The following DOCK1 variants were observed in gnomAD, a reference collection of about 807,000 sequenced individuals.
DOCK1 encodes dedicator of cytokinesis protein 1.
In DOCK1, 138 loss-of-function variants were observed where a neutral mutation model predicts 262.7. The ratio of observed to expected loss-of-function variants is 0.53; its 90% CI spans 0.46 to 0.61. The LOEUF (loss-of-function observed/expected upper bound fraction) is 0.61, where lower values mean the gene tolerates loss of function less well. Ranked by LOEUF, DOCK1 falls within the 20% of genes least tolerant of loss-of-function variation. The pLI is 0.00. For synonymous variants in DOCK1, 866 were observed against 867.4 expected (o/e 1.00, Z 0.03); for missense variants, 1,908 against 2,370.7 (o/e 0.80, Z 4.05).
intron 27 of DOCK1, among the ~76,000 whole-genome samples, chr10:127,207,582 G>A (rs1471674193): frequency 6.6e-6 from 1 of 152,144 alleles, no homozygotes; most frequent in Admixed American, 6.5e-5. Context: ...TTTTAGGATT[G>A]TCTTAATAGG....
chr10:127,313,019 T>A (rs1357613846), intron 29 of DOCK1, among the ~76,000 whole-genome samples: 1 of 152,166 alleles, frequency 6.6e-6, no homozygotes, highest in African/African-American at 2.4e-5. Flanking sequence ...CTCCCAGTCC[T>A]GGGCTGCAAA....
At chr10:127,329,256 C>T (rs1428345471) in intron 29 of DOCK1, among the ~76,000 whole-genome samples, 2 of 152,166 alleles carry the variant, frequency 1.3e-5, no homozygotes, top group Non-Finnish European at 2.9e-5. Flanking sequence ...GCACGGTCAC[C>T]CTGACCTCCC....
At position 127,052,688 on chromosome 10, in the gene DOCK1, A is replaced by G; in HGVS notation, c.2209A>G (p.Thr737Ala). The G allele has an allele frequency of 6.2e-7, 1 of 1,614,018 alleles. No homozygotes were observed. The highest frequency in any genetic ancestry group is 1.1e-5 in the South Asian group (1 of 91,072). The change falls in exon 22 of 52, where the codon ACA becomes GCA. Residue 737 changes from threonine to alanine, a missense_variant. Coordinates refer to ENST00000623213, the MANE Select transcript of DOCK1 (RefSeq NM_001290223.2). The stretch of plus-strand genomic sequence containing the variant: ...TGTTTGCATTGTGAATAGGAAGTTG[A>G]CAAAAGTGTTGAAGAACTACGTGGA... Reference protein sequence around the residue: ...FSATLAYTKLTKVLKNYVDGA... With the variant: ...FSATLAYTKLAKVLKNYVDGA...
intron 23 of DOCK1, among the ~76,000 whole-genome samples, chr10:127,063,628 A>G (rs940322342): frequency 3.3e-5 from 5 of 152,198 alleles, no homozygotes; most frequent in African/African-American, 1.2e-4. Flanking sequence ...TGTTTGGTAC[A>G]TTTACTACTG....
intron 27 of DOCK1, among the ~76,000 whole-genome samples, chr10:127,152,340 A>G (rs1045738161): frequency 2.6e-5 from 4 of 152,202 alleles, no homozygotes; most frequent in African/African-American, 7.2e-5. Flanking sequence ...ATCTGTTGCT[A>G]TCATTGAGTT....
rs777958830 is a variant in DOCK1, at chr10:127,410,856, G to A, written c.4360G>A (p.Glu1454Lys). The change falls in exon 43 of 52, where the codon GAG becomes AAG. Residue 1454 changes from glutamate to lysine, a missense_variant. Around this residue, in one of 9 missense-constraint regions of DOCK1, gnomAD observed 267 missense variants for 366.3 expected, o/e 0.73. Transcript: ENST00000623213. The stretch of plus-strand genomic sequence containing the variant: ...TCTGTACAGTTTTTACAGGGTGAAC[G>A]AGGTCCAGCGATTTGAATATTCTCG... ...EQIVSFYRVN[E>K]VQRFEYSRPI... 3 of 1,613,718 alleles carry A rather than the reference G, an allele frequency of 1.9e-6. No homozygotes were observed. The highest frequency in any genetic ancestry group is 1.7e-5 in the Admixed American group (1 of 60,002).
Position 127,176,123 on chromosome 10 carries a change from G to A in DOCK1, c.2847+48359G>A, listed in dbSNP as rs374772780. 3.3e-5 allele frequency: 54 copies of A among 1,613,962 alleles called. No individual in the cohort carries two copies. The Admixed American group carries it at 3.5e-4, about 10-fold the overall frequency. On this transcript the variant is annotated intron_variant, in intron 27 of 51. Coordinates refer to ENST00000623213, the MANE Select transcript of DOCK1 (RefSeq NM_001290223.2). The surrounding 1 kb of genome is among the most constrained non-coding windows in gnomAD (Gnocchi z 4.4). The stretch of plus-strand genomic sequence containing the variant: ...TGACGTTGGGGATGGACCTGCGTGC[G>A]GGCACTGTCATGTATTTGCGGTAGG...
chr10:127,002,424 A>G (rs1031107313), intron 10 of DOCK1, among the ~76,000 whole-genome samples: 3 of 152,242 alleles, frequency 2.0e-5, no homozygotes, highest in Non-Finnish European at 2.9e-5. Context: ...AAAATTTGGA[A>G]TATTTTTCAG....
intron 31 of DOCK1, among the ~76,000 whole-genome samples, chr10:127,345,002 T>C (rs556793798): frequency 6.6e-6 from 1 of 152,372 alleles, no homozygotes; most frequent in Admixed American, 6.5e-5. Context: ...TTGCCTGTGG[T>C]ATTTATTGTA....
At chr10:126,919,068 GACAA>G (rs755310965) in intron 1 of DOCK1, among the ~76,000 whole-genome samples, 1 of 152,082 alleles carries the variant, frequency 6.6e-6, no homozygotes, top group Non-Finnish European at 1.5e-5. Flanking sequence ...CCTTCTGAGA[GACAA>G]ACATGAGTTT....
At chr10:127,097,700 C>A (rs1448409801) in intron 23 of DOCK1, among the ~76,000 whole-genome samples, 1 of 152,164 alleles carries the variant, frequency 6.6e-6, no homozygotes, top group East Asian at 1.9e-4. Context: ...CTTAAACTGC[C>A]ATTAAGTTAT....
chr10:127,010,647 A>G (rs1258537496), intron 11 of DOCK1, among the ~76,000 whole-genome samples: 1 of 152,190 alleles, frequency 6.6e-6, no homozygotes, highest in Non-Finnish European at 1.5e-5. Context: ...AGTCCCATCC[A>G]GTGAGGAGAG....
chr10:127,265,384 TA>T lies in DOCK1; in HGVS notation c.3044+7967del, dbSNP rs904484844. 2.6e-3 allele frequency among the ~76,000 whole-genome samples: 387 copies of T among 146,618 alleles called. 4 individuals carry two copies. Among genetic ancestry groups the T allele is most frequent in the East Asian group, 8.1e-3 (41 of 5,048 alleles). On this transcript the variant is annotated intron_variant, in intron 29 of 51. Coordinates refer to ENST00000623213, the MANE Select transcript of DOCK1 (RefSeq NM_001290223.2). ...TTTCCAGTGTCTGTGTGTTACACAT[TA>T]AAAAAAAAAAATCATGGCCATATGG...
At chr10:127,236,040 A>G (rs548292946) in intron 27 of DOCK1, among the ~76,000 whole-genome samples, 16 of 152,076 alleles carry the variant, frequency 1.1e-4, no homozygotes, top group Non-Finnish European at 2.2e-4. Context: ...GGTGTTTTTA[A>G]AAATATTTTC....
chr10:127,358,858 G>A (rs1443778780), intron 32 of DOCK1, among the ~76,000 whole-genome samples: 1 of 152,162 alleles, frequency 6.6e-6, no homozygotes, highest in Non-Finnish European at 1.5e-5. Flanking sequence ...CCCACAGGGA[G>A]GCTTCTGACT....
At chr10:126,943,504 C>T (rs2035171764) in intron 1 of DOCK1, among the ~76,000 whole-genome samples, 1 of 152,180 alleles carries the variant, frequency 6.6e-6, no homozygotes, top group African/African-American at 2.4e-5. Flanking sequence ...TGTATGTAAG[C>T]ACCTACTGAA....
chr10:127,131,176 C>T (rs1357054705), intron 27 of DOCK1, among the ~76,000 whole-genome samples: 4 of 152,062 alleles, frequency 2.6e-5, no homozygotes, highest in Admixed American at 6.6e-5. Context: ...TGGTCTTATC[C>T]AGAGCCACAT....
intron 27 of DOCK1, among the ~76,000 whole-genome samples, chr10:127,140,498 G>A (rs541856946): frequency 7.9e-5 from 12 of 152,330 alleles, no homozygotes; most frequent in African/African-American, 2.9e-4. Flanking sequence ...GGATCTGCGT[G>A]TGGGATGACG....
chr10:127,181,043 A>G (rs181223072), intron 27 of DOCK1, among the ~76,000 whole-genome samples: 51 of 152,326 alleles, frequency 3.3e-4, no homozygotes, highest in Admixed American at 2.8e-3. Flanking sequence ...AGGCATAACC[A>G]CTAGTATCAG....
Sources: allele counts gnomAD v4.1 joint callset (sites outside exome capture counted in the v4.1 genomes callset), GRCh38; gene constraint gnomAD v4.1.1; regional missense constraint gnomAD v4.1.1; non-coding constraint Gnocchi (gnomAD v3.1); transcripts MANE v1.5; gene names NCBI Gene and HGNC (gene_info 2026-07-23, HGNC 2026-07-21).